KALRN: variants seen among roughly 807,000 people sequenced by gnomAD.
The protein encoded by KALRN is kalirin.
Under a neutral mutation model 353.7 loss-of-function variants are expected in KALRN, and 70 were observed. The ratio of observed to expected loss-of-function variants is 0.20; its 90% CI spans 0.16 to 0.24. The LOEUF is 0.24. Among genes scored for constraint, KALRN ranks in the 10% least tolerant of loss-of-function variants. The probability of loss-of-function intolerance (pLI) is 1.00; values close to 1 mark genes in which losing one functional copy is unlikely to be tolerated. For missense variants in KALRN, 2,791 were observed against 3,756.7 expected, an observed-to-expected ratio of 0.74 and a Z score of 6.72; for synonymous variants, 1,391 against 1,434.8, an observed-to-expected ratio of 0.97 and a Z score of 0.69.
chr3:124,070,848 T>G (rs989137149), intron 1 of KALRN, among the ~76,000 whole-genome samples: 11 of 152,194 alleles, frequency 7.2e-5, no homozygotes, highest in Non-Finnish European at 1.3e-4. Context: ...CCCTTCTCCT[T>G]TCTGGGTCTC....
At chr3:124,433,503 A>G (rs775965409) in intron 16 of KALRN, among the ~76,000 whole-genome samples, 17 of 151,350 alleles carry the variant, frequency 1.1e-4, no homozygotes, top group Admixed American at 8.6e-4. Flanking sequence ...GACTGAGGCA[A>G]GAGGATTGCT....
chr3:124,599,137 G>C (rs1312192524), intron 34 of KALRN, among the ~76,000 whole-genome samples: 2 of 152,180 alleles, frequency 1.3e-5, no homozygotes, highest in African/African-American at 4.8e-5. Context: ...GCCCGCAAGT[G>C]GGTATTATTT....
At chr3:124,662,411 T>C (rs2150246712) in intron 45 of KALRN, among the ~76,000 whole-genome samples, 1 of 152,100 alleles carries the variant, frequency 6.6e-6, no homozygotes, top group East Asian at 1.9e-4. Context: ...GGTTTTGCCA[T>C]GTTGCCAGGC....
At chr3:124,670,684 C>G (rs557031975) in intron 47 of KALRN, among the ~76,000 whole-genome samples, 2 of 152,308 alleles carry the variant, frequency 1.3e-5, no homozygotes, top group African/African-American at 4.8e-5. Flanking sequence ...TGTTACAGTG[C>G]AAACTGATAA....
Position 124,490,903 on chromosome 3 carries a change from G to A in KALRN, c.4587+19G>A. The A allele has an allele frequency of 6.3e-7, 1 of 1,596,308 alleles. No individual in the cohort carries two copies. Among genetic ancestry groups the A allele is most frequent in the African/African-American group, 1.3e-5 (1 of 74,802 alleles). On this transcript the variant is annotated intron_variant, in intron 30 of 59. Coordinates refer to ENST00000682506, the MANE Select transcript of KALRN (RefSeq NM_001388419.1). ...GCTACTGGTAGGTGGGGCAGGTGGGGTAAGACAAGACTCCCTGCTTTCATA... is the reference window on the plus strand; with the variant it reads ...GCTACTGGTAGGTGGGGCAGGTGGGATAAGACAAGACTCCCTGCTTTCATA...
intron 10 of KALRN, among the ~76,000 whole-genome samples, chr3:124,372,268 A>G (rs929007954): frequency 6.6e-6 from 1 of 152,224 alleles, no homozygotes; most frequent in South Asian, 2.1e-4. Flanking sequence ...AAACTAATAC[A>G]TATTCACCAT....
At chr3:124,406,073 A>G (rs1392275805) in intron 13 of KALRN, among the ~76,000 whole-genome samples, 2 of 152,252 alleles carry the variant, frequency 1.3e-5, no homozygotes, top group African/African-American at 4.8e-5. Context: ...CTCATCAATT[A>G]CAGCATTTTT....
chr3:124,183,489 C>G (rs1346108089), intron 1 of KALRN, among the ~76,000 whole-genome samples: 1 of 152,154 alleles, frequency 6.6e-6, no homozygotes, highest in East Asian at 1.9e-4. Context: ...GGATCCTCCC[C>G]CATGGCCCAA....
At chr3:124,365,421 C>T (rs1421943427) in intron 10 of KALRN, among the ~76,000 whole-genome samples, 3 of 152,188 alleles carry the variant, frequency 2.0e-5, no homozygotes, top group Non-Finnish European at 2.9e-5. Context: ...CTGCATTCCA[C>T]GGGGCCTAAT....
chr3:124,587,695 C>A (rs2075335408), intron 34 of KALRN, among the ~76,000 whole-genome samples: 1 of 118,944 alleles, frequency 8.4e-6, no homozygotes, highest in African/African-American at 3.0e-5. Context: ...CCCCCACCCT[C>A]CACTTTTTTT....
intron 1 of KALRN, among the ~76,000 whole-genome samples, chr3:124,126,386 T>C (rs1483836998): frequency 6.6e-6 from 1 of 152,188 alleles, no homozygotes; most frequent in Non-Finnish European, 1.5e-5. Context: ...CTTTCAATCA[T>C]TGAAATTTTT....
chr3:124,275,494 TTTTG>T (rs923949607), intron 5 of KALRN, among the ~76,000 whole-genome samples: 1 of 152,184 alleles, frequency 6.6e-6, no homozygotes, highest in East Asian at 1.9e-4. Flanking sequence ...TCCCTTGAGG[TTTTG>T]TTTGTTTGTT....
At chr3:124,570,512 G>A (rs2110041599) in intron 34 of KALRN, among the ~76,000 whole-genome samples, 1 of 152,256 alleles carries the variant, frequency 6.6e-6, no homozygotes, top group Middle Eastern at 3.4e-3. Context: ...CTTTATATTA[G>A]CATAGCTGAA....
chr3:124,422,323 T>C (rs1403148456), intron 14 of KALRN, among the ~76,000 whole-genome samples: 1 of 152,196 alleles, frequency 6.6e-6, no homozygotes, highest in Non-Finnish European at 1.5e-5. Flanking sequence ...AAATCACTAT[T>C]GTGCAGCTAC....
At chr3:124,298,402 C>A (rs1289895924) in intron 5 of KALRN, among the ~76,000 whole-genome samples, 1 of 152,140 alleles carries the variant, frequency 6.6e-6, no homozygotes, top group Non-Finnish European at 1.5e-5. Context: ...CTGTTGCTTC[C>A]TTCAAAGATT....
chr3:124,602,708 G>C (rs188913939), intron 34 of KALRN, among the ~76,000 whole-genome samples: 1 of 152,306 alleles, frequency 6.6e-6, no homozygotes, highest in African/African-American at 2.4e-5. Flanking sequence ...ATGGCACCAG[G>C]AAGGACATAG....
At chr3:124,492,157 C>CAT (rs1218472005) in intron 31 of KALRN, among the ~76,000 whole-genome samples, 1 of 152,192 alleles carries the variant, frequency 6.6e-6, no homozygotes, top group African/African-American at 2.4e-5. Context: ...GAACTGCCAG[C>CAT]ATAGCTGCTA....
At chr3:124,439,127 C>A in intron 18 of KALRN, 90 bp downstream of exon 18, 1 of 1,230,164 alleles carries the variant, frequency 8.1e-7, no homozygotes, top group Non-Finnish European at 1.1e-6. Flanking sequence ...TTCTTTCTTT[C>A]TCTTTCTCTC....
rs544117857 is a variant in KALRN at position 124,033,797 on chromosome 3, C to T, written c.57C>T (p.Asp19=). ...GAGGAGCAGCAGACTCGGACGTGGA[C>T]GCCTTTTTCCGGACAGGTAAGCCGG... ...EEGGAADSDV[D]AFFRTGSFRN... is the part of the protein sequence containing the mutation. Residue 19 remains aspartate (D), a synonymous_variant, in exon 1 of 60, where the codon GAC becomes GAT. Transcript: ENST00000682506. This position sits in a 1 kb window ranked among gnomAD's most constrained non-coding sequence, Gnocchi z 6.2. 6.6e-6 allele frequency among the ~76,000 whole-genome samples: 1 copy of T among 152,170 alleles called. No homozygotes were observed. The highest frequency in any genetic ancestry group is 1.5e-5 in the Non-Finnish European group (1 of 68,030).
Sources: allele counts gnomAD v4.1 joint callset (sites outside exome capture counted in the v4.1 genomes callset), GRCh38; gene constraint gnomAD v4.1.1; non-coding constraint Gnocchi (gnomAD v3.1); transcripts MANE v1.5; gene names NCBI Gene and HGNC (gene_info 2026-07-23, HGNC 2026-07-21).